The following SPTBN4 variants were observed in gnomAD, a reference collection of about 807,000 sequenced individuals.
The protein encoded by SPTBN4 is spectrin beta, non-erythrocytic 4.
SPTBN4 carries 96 observed loss-of-function variants against 277.8 expected under a neutral mutation model. The observed-to-expected ratio is 0.35, with a 90% CI of 0.29 to 0.41. The LOEUF (loss-of-function observed/expected upper bound fraction) is 0.41, where lower values mean the gene tolerates loss of function less well. Among genes scored for constraint, SPTBN4 ranks in the 10% least tolerant of loss-of-function variants. The pLI is 1.00. For synonymous variants in SPTBN4, 1,481 were observed against 1,580.3 expected (o/e 0.94, Z 1.49); for missense variants, 3,006 against 3,595.7 (o/e 0.84, Z 4.19).
At position 40,560,219 on chromosome 19, in the gene SPTBN4, G is replaced by A. The variant is rs944143155; in HGVS notation, c.5731G>A (p.Glu1911Lys). 6 of 1,609,054 alleles carry A rather than the reference G, an allele frequency of 3.7e-6. No homozygotes were observed. The highest frequency in any genetic ancestry group is 1.7e-5 in the Admixed American group (1 of 60,030). ...LRTVYAGEHA[E>K]AIASREQEVL... ...GACGGTGTATGCGGGTGAACATGCCGAGGCCATCGCTAGCCGGGAGCAGGA... is the reference window on the plus strand; with the variant it reads ...GACGGTGTATGCGGGTGAACATGCCAAGGCCATCGCTAGCCGGGAGCAGGA... Residue 1911 changes from glutamate (E) to lysine (K), a missense_variant, in exon 27 of 36, where the codon GAG becomes AAG. This residue lies in a region of SPTBN4 where 425 missense variants were observed against 594.7 expected (regional missense o/e 0.71). Coordinates refer to ENST00000598249, the MANE Select transcript of SPTBN4 (RefSeq NM_020971.3). The surrounding 1 kb of genome is among the most constrained non-coding windows in gnomAD (Gnocchi z 5.2).
At position 40,513,039 on chromosome 19, in the gene SPTBN4, C is replaced by A; in HGVS notation, c.2250C>A (p.Ser750Arg). The change falls in exon 14 of 36, where the codon AGC (serine) becomes AGA (arginine). Residue 750 changes from serine to arginine, a missense_variant. Ser to Arg is a moderately radical substitution (Grantham distance 110, BLOSUM62 -1). Around this residue, in one of 5 missense-constraint regions of SPTBN4, gnomAD observed 1,759 missense variants for 2,061.5 expected, o/e 0.85. Transcript: ENST00000598249. Reference sequence around the variant, plus strand: ...TAGGCCTGGCGGAGCGCGCGGCGAGCGCCCGGCGCCGCTGGCAGAGGCTGG... The same window carrying A: ...TAGGCCTGGCGGAGCGCGCGGCGAGAGCCCGGCGCCGCTGGCAGAGGCTGG... Reference protein sequence around the residue: ...HLVGLAERAASARRRWQRLEE... With the variant: ...HLVGLAERAARARRRWQRLEE... 2.1e-6 allele frequency: 3 copies of A among 1,418,706 alleles called. No individual in the cohort carries two copies. The highest frequency in any genetic ancestry group is 1.8e-6 in the Non-Finnish European group (2 of 1,093,552). 87.9% of individuals were successfully genotyped at this position (1,418,706 alleles called of 1,614,324 possible).
At chr19:40,506,967 C>T (rs1003269967) in intron 13 of SPTBN4, among the ~76,000 whole-genome samples, 1 of 151,246 alleles carries the variant, frequency 6.6e-6, no homozygotes, top group African/African-American at 2.4e-5. Context: ...CTGGGTGACA[C>T]AGTGAGATCT....
In SPTBN4 at chr19:40,502,268, G is replaced by A; in HGVS notation, c.1038G>A (p.Gln346=). 6.2e-7 allele frequency: 1 copy of A among 1,613,386 alleles called. No homozygotes were observed. Among genetic ancestry groups the A allele is most frequent in the Non-Finnish European group, 8.5e-7 (1 of 1,179,982 alleles). ...CCAACTCCTTAAGTGGGGTGCAGCAGCAACTCCAGGCTTTCACGGCCTATT... is the reference window on the plus strand; with the variant it reads ...CCAACTCCTTAAGTGGGGTGCAGCAACAACTCCAGGCTTTCACGGCCTATT... ...KFANSLSGVQ[Q]QLQAFTAYCT... Residue 346 remains glutamine, a synonymous_variant, in exon 9 of 36, where the codon CAG becomes CAA. Coordinates refer to ENST00000598249, the MANE Select transcript of SPTBN4 (RefSeq NM_020971.3). The surrounding 1 kb of genome is among the most constrained non-coding windows in gnomAD (Gnocchi z 4.9).
chr19:40,487,865 G>A lies in SPTBN4; in HGVS notation c.321+17G>A, dbSNP rs890256124. 12 of 1,584,110 alleles carry A rather than the reference G, an allele frequency of 7.6e-6. No homozygotes were observed. Among genetic ancestry groups the A allele is most frequent in the Middle Eastern group, 3.4e-4 (2 of 5,894 alleles). The stretch of plus-strand genomic sequence containing the variant: ...GAGCAGCTGGTGAGGGGGCCTGAAG[G>A]GCTGGGGCAGGGGTCCTCCCTGGGG... On this transcript the variant is annotated intron_variant, in intron 3 of 35. Transcript: ENST00000598249.
chr19:40,530,621 C>G, intron 18 of SPTBN4: 1 of 962,210 alleles, frequency 1.0e-6, no homozygotes, highest in Non-Finnish European at 1.2e-6. Context: ...AGGGGGTTGG[C>G]GCGCACCCCG....
intron 3 of SPTBN4, among the ~76,000 whole-genome samples, chr19:40,489,228 A>AAAAAAAAAGAAAG (rs781378644): frequency 7.1e-6 from 1 of 141,650 alleles, no homozygotes; most frequent in Non-Finnish European, 1.5e-5. Context: ...AAAAAAAAAA[A>AAAAAAAAAGAAAG]AAAGAAAGAA....
At chr19:40,489,720 G>A (rs375452931) in intron 3 of SPTBN4, among the ~76,000 whole-genome samples, 1 of 152,138 alleles carries the variant, frequency 6.6e-6, no homozygotes, top group East Asian at 1.9e-4. Context: ...CATTGGTAGA[G>A]AGGGATCCAA....
At chr19:40,486,912 G>A (rs1204920581) in intron 2 of SPTBN4, among the ~76,000 whole-genome samples, 3 of 152,166 alleles carry the variant, frequency 2.0e-5, no homozygotes, top group Admixed American at 6.6e-5. Flanking sequence ...TCACAAGCAG[G>A]GAAGGCTTCC....
At chr19:40,489,590 G>A (rs1568768113) in intron 3 of SPTBN4, among the ~76,000 whole-genome samples, 1 of 152,170 alleles carries the variant, frequency 6.6e-6, no homozygotes, top group Non-Finnish European at 1.5e-5. Flanking sequence ...GTTTCGCCAT[G>A]TTGGTCAGGC....
intron 18 of SPTBN4, among the ~76,000 whole-genome samples, 167 bp downstream of exon 18, chr19:40,529,298 C>T (rs2080634111): frequency 6.6e-6 from 1 of 152,208 alleles, no homozygotes. Flanking sequence ...GCGCATGCTC[C>T]GCAAGTCCCT....
At chr19:40,468,262 A>G (rs2079848977) in intron 1 of SPTBN4, among the ~76,000 whole-genome samples, 1 of 150,436 alleles carries the variant, frequency 6.6e-6, no homozygotes, top group African/African-American at 2.5e-5. Context: ...TTTTTAGTAG[A>G]CATGGGGTTT....
At chr19:40,481,889 A>G (rs2080016010) in intron 2 of SPTBN4, among the ~76,000 whole-genome samples, 1 of 151,572 alleles carries the variant, frequency 6.6e-6, no homozygotes, top group Non-Finnish European at 1.5e-5. Context: ...ACATTTTCAT[A>G]CATTTATTGG....
chr19:40,547,636 A>C (rs112035997), intron 20 of SPTBN4, among the ~76,000 whole-genome samples: 1 of 152,212 alleles, frequency 6.6e-6, no homozygotes, highest in Non-Finnish European at 1.5e-5. Context: ...ACCAGTTTAC[A>C]TTCCCACCAA....
In SPTBN4 at chr19:40,490,311, A is replaced by AT; in HGVS notation, c.495+66dup. 1 of 1,530,316 alleles carries AT rather than the reference A, an allele frequency of 6.5e-7. No homozygotes were observed. Among genetic ancestry groups the AT allele is most frequent in the Non-Finnish European group, 8.8e-7 (1 of 1,132,548 alleles). The allele number at this position is 1,530,316 out of a possible 1,614,324, so 94.8% of individuals were successfully genotyped here. A position where few individuals can be genotyped will look rare whatever the true frequency, so the allele number is the denominator to read the frequency against. ...GGGACTTAGGAAAGCGTTCCCCACC[A>AT]TTTACCCATTCATTCTTTCCTTCCA... On this transcript the variant is annotated intron_variant, in intron 4 of 35. Coordinates refer to ENST00000598249, the MANE Select transcript of SPTBN4 (RefSeq NM_020971.3). This position sits in a 1 kb window ranked among gnomAD's most constrained non-coding sequence, Gnocchi z 4.3.
chr19:40,536,359 A>C (rs1264457899), intron 20 of SPTBN4, among the ~76,000 whole-genome samples: 1 of 151,992 alleles, frequency 6.6e-6, no homozygotes, highest in Non-Finnish European at 1.5e-5. Flanking sequence ...GATTACAGGC[A>C]TGTGCCACCA....
At chr19:40,520,296 G>C (rs1040496222) in intron 16 of SPTBN4, 145 bp downstream of exon 16, 3 of 887,082 alleles carry the variant, frequency 3.4e-6, no homozygotes, top group South Asian at 3.5e-5. Context: ...AGAGTATCCG[G>C]AATGGATAAC....
At chr19:40,548,727 A>C (rs1251719648) in intron 20 of SPTBN4, among the ~76,000 whole-genome samples, 1 of 151,782 alleles carries the variant, frequency 6.6e-6, no homozygotes, top group Non-Finnish European at 1.5e-5. Flanking sequence ...AAAAAAAAAA[A>C]GCGTTAACAA....
At chr19:40,533,142 A>G (rs569350981) in intron 19 of SPTBN4, among the ~76,000 whole-genome samples, 2 of 152,284 alleles carry the variant, frequency 1.3e-5, no homozygotes, top group African/African-American at 4.8e-5. Flanking sequence ...GGGTTAAAGT[A>G]AACTTTGGAT....
chr19:40,517,300 TC>T (rs1460866831), intron 15 of SPTBN4, among the ~76,000 whole-genome samples: 2 of 151,918 alleles, frequency 1.3e-5, no homozygotes, highest in Non-Finnish European at 2.9e-5. Context: ...TTTTTTTTTT[TC>T]TTTCTTGAGA....
Sources: allele counts gnomAD v4.1 joint callset (sites outside exome capture counted in the v4.1 genomes callset), GRCh38; gene constraint gnomAD v4.1.1; regional missense constraint gnomAD v4.1.1; non-coding constraint Gnocchi (gnomAD v3.1); transcripts MANE v1.5; gene names NCBI Gene and HGNC (gene_info 2026-07-23, HGNC 2026-07-21).